Variants in CSMD3 observed in about 807,000 individuals in gnomAD.
The protein encoded by CSMD3 is CUB and sushi domain-containing protein 3.
A neutral mutation model predicts 435.2 loss-of-function variants in CSMD3; 177 were observed. The observed-to-expected ratio is 0.41, with a 90% CI of 0.36 to 0.46. The LOEUF (loss-of-function observed/expected upper bound fraction) is 0.46. Among genes scored for constraint, CSMD3 ranks in the 20% least tolerant of loss-of-function variants. The pLI is 0.34. For missense variants in CSMD3, 4,265 were observed against 4,504.6 expected, an observed-to-expected ratio of 0.95 and a Z score of 1.52; for synonymous variants, 1,656 against 1,520.5, an observed-to-expected ratio of 1.09 and a Z score of -2.07.
chr8:113,004,202 G>GA (rs1255368006), intron 6 of CSMD3, among the ~76,000 whole-genome samples: 3 of 151,692 alleles, frequency 2.0e-5, no homozygotes, highest in Non-Finnish European at 4.4e-5. Flanking sequence ...TCCTCTTGTA[G>GA]GAAAAAAAAC....
At chr8:113,329,036 C>T (rs1045433868) in intron 1 of CSMD3, among the ~76,000 whole-genome samples, 2 of 151,636 alleles carry the variant, frequency 1.3e-5, no homozygotes, top group Admixed American at 1.3e-4. Flanking sequence ...GCCACCACTT[C>T]CTGCACTAAA....
chr8:112,902,946 T>C (rs1407677170), intron 10 of CSMD3, among the ~76,000 whole-genome samples: 1 of 150,982 alleles, frequency 6.6e-6, no homozygotes, highest in Non-Finnish European at 1.5e-5. Context: ...CTTTGTAAGG[T>C]AGTTTGGTCA....
chr8:112,346,179 A>T lies in CSMD3; in HGVS notation c.6360T>A (p.Gly2120=). Residue 2120 remains glycine (G), a synonymous_variant, in exon 41 of 71, where the codon GGT becomes GGA. Transcript: ENST00000297405. ...QCGGAMSDFS[G]VILSPGFPGN... The stretch of plus-strand genomic sequence containing the variant: ...CAGGAAACCCAGGACTGAGGATCAC[A>T]CCACTGAAGTCTGACATAGCACCAC... 1.2e-6 allele frequency: 2 copies of T among 1,613,496 alleles called. No homozygotes were observed. Among genetic ancestry groups the T allele is most frequent in the Non-Finnish European group, 1.7e-6 (2 of 1,179,402 alleles).
At chr8:112,746,990 A>T (rs1433999829) in intron 13 of CSMD3, among the ~76,000 whole-genome samples, 2 of 152,032 alleles carry the variant, frequency 1.3e-5, no homozygotes, top group East Asian at 1.9e-4. Flanking sequence ...TTTCCAAGGA[A>T]ATTTTATTTT....
chr8:112,663,959 G>T (rs975054155), intron 17 of CSMD3, among the ~76,000 whole-genome samples: 1 of 152,126 alleles, frequency 6.6e-6, no homozygotes, highest in African/African-American at 2.4e-5. Flanking sequence ...AAAATTGAAG[G>T]AGAGAGTAGG....
intron 55 of CSMD3, 31 bp downstream of exon 55, chr8:112,292,506 C>T (rs764455216): frequency 6.2e-7 from 1 of 1,605,778 alleles, no homozygotes; most frequent in Non-Finnish European, 8.5e-7. Flanking sequence ...TATTATCATG[C>T]CACCAAATGG....
chr8:113,326,578 G>T (rs923989739), intron 1 of CSMD3, among the ~76,000 whole-genome samples: 4 of 151,862 alleles, frequency 2.6e-5, no homozygotes, highest in East Asian at 3.9e-4. Context: ...ATATTAGTAC[G>T]CTCTACATTT....
At chr8:112,325,144 A>AC (rs1823371999) in intron 45 of CSMD3, among the ~76,000 whole-genome samples, 1 of 152,110 alleles carries the variant, frequency 6.6e-6, no homozygotes, top group African/African-American at 2.4e-5. Flanking sequence ...AAAAAATGTT[A>AC]AACCACATCT....
At chr8:112,809,215 TAAGGACCTGG>T (rs1268475782) in intron 12 of CSMD3, among the ~76,000 whole-genome samples, 4 of 152,098 alleles carry the variant, frequency 2.6e-5, no homozygotes, top group Admixed American at 2.6e-4. Context: ...CACAAAACCA[TAAGGACCTGG>T]AAGGACCTGT....
intron 31 of CSMD3, among the ~76,000 whole-genome samples, chr8:112,473,333 C>G (rs576110767): frequency 6.6e-6 from 1 of 152,074 alleles, no homozygotes; most frequent in Non-Finnish European, 1.5e-5. Context: ...CTGTTATTCA[C>G]AAGACAGGGG....
intron 64 of CSMD3, among the ~76,000 whole-genome samples, chr8:112,245,990 G>A (rs1016625556): frequency 6.6e-6 from 1 of 152,094 alleles, no homozygotes; most frequent in Non-Finnish European, 1.5e-5. Flanking sequence ...AGTGACAGAC[G>A]CTGTTTAACT....
chr8:112,749,594 GCT>G (rs1389228352), intron 13 of CSMD3, among the ~76,000 whole-genome samples: 4 of 152,114 alleles, frequency 2.6e-5, no homozygotes, highest in African/African-American at 9.6e-5. Context: ...ATTAGAATTA[GCT>G]CTTCAGACAT....
intron 12 of CSMD3, among the ~76,000 whole-genome samples, chr8:112,812,433 C>A (rs1267153365): frequency 6.6e-6 from 1 of 152,176 alleles, no homozygotes; most frequent in Non-Finnish European, 1.5e-5. Flanking sequence ...CCCCTGGAAG[C>A]ATGCCAACAT....
chr8:112,607,762 T>C (rs1327154431), intron 22 of CSMD3, among the ~76,000 whole-genome samples: 3 of 152,104 alleles, frequency 2.0e-5, no homozygotes, highest in Non-Finnish European at 2.9e-5. Context: ...TCAATATCCT[T>C]TCATGATAAA....
At chr8:112,528,015 G>C (rs1825148564) in intron 27 of CSMD3, among the ~76,000 whole-genome samples, 1 of 152,082 alleles carries the variant, frequency 6.6e-6, no homozygotes, top group Middle Eastern at 3.2e-3. Context: ...CTAAATACAA[G>C]GTCCTGCTTT....
Position 113,435,236 on chromosome 8 carries a change from A to G in CSMD3, c.178+1441T>C, listed in dbSNP as rs77296661. Among the ~76,000 whole-genome samples, 64 of 152,258 alleles carry G rather than the reference A, an allele frequency of 4.2e-4. 1 individual carries two copies. In the East Asian group the frequency reaches 0.01, roughly 25 times the overall value. ...AGAGCTGCTCTGAGGCCCCAGAGAGAAAAGAAAAATCAAGCTTCAAGGAGC... is the reference window on the plus strand; with the variant it reads ...AGAGCTGCTCTGAGGCCCCAGAGAGGAAAGAAAAATCAAGCTTCAAGGAGC... On this transcript the variant is annotated intron_variant, in intron 1 of 70. Coordinates refer to ENST00000297405, the MANE Select transcript of CSMD3 (RefSeq NM_198123.2).
chr8:112,905,845 G>C (rs751095025), intron 10 of CSMD3, among the ~76,000 whole-genome samples: 1 of 151,388 alleles, frequency 6.6e-6, no homozygotes, highest in Non-Finnish European at 1.5e-5. Context: ...GTGGCAAGCT[G>C]TATGGACTGA....
chr8:112,481,693 A>G (rs972195690), intron 31 of CSMD3, among the ~76,000 whole-genome samples: 10 of 152,150 alleles, frequency 6.6e-5, no homozygotes, highest in African/African-American at 1.4e-4. Context: ...TTTGAAAGCT[A>G]TATCTCTCAT....
At chr8:113,092,784 T>C (rs2090046825) in intron 5 of CSMD3, among the ~76,000 whole-genome samples, 1 of 152,010 alleles carries the variant, frequency 6.6e-6, no homozygotes, top group African/African-American at 2.4e-5. Flanking sequence ...TAGGTGGTGG[T>C]GGTGCGGTTC....
Sources: allele counts gnomAD v4.1 joint callset (sites outside exome capture counted in the v4.1 genomes callset), GRCh38; gene constraint gnomAD v4.1.1; transcripts MANE v1.5; gene names NCBI Gene and HGNC (gene_info 2026-07-23, HGNC 2026-07-21).